The following CDK15 variants were observed in gnomAD, a reference collection of about 807,000 sequenced individuals.
CDK15 encodes the protein cyclin-dependent kinase 15.
CDK15 carries 62 observed loss-of-function variants against 60.3 expected under a neutral mutation model. The observed-to-expected ratio is 1.03, with a 90% CI of 0.84 to 1.27. The LOEUF (loss-of-function observed/expected upper bound fraction) is 1.27, where lower values mean the gene tolerates loss of function less well. Among genes scored for constraint, CDK15 ranks in the 50% most tolerant of loss-of-function variants. The pLI is 0.00. For missense variants in CDK15, 541 were observed against 527.8 expected (o/e 1.03, Z -0.25); for synonymous variants, 194 against 195.7 (o/e 0.99, Z 0.07).
At chr2:201,860,935 G>T (rs1698368410) in intron 10 of CDK15, 2 of 1,294,540 alleles carry the variant, frequency 1.5e-6, no homozygotes, top group East Asian at 5.1e-5. Flanking sequence ...GAGCTATTCT[G>T]CTTTGGGCTC....
At chr2:201,855,824 C>G (rs1482740495) in intron 10 of CDK15, among the ~76,000 whole-genome samples, 2 of 134,004 alleles carry the variant, frequency 1.5e-5, no homozygotes, top group Non-Finnish European at 3.2e-5. Flanking sequence ...GTTGTCCTTA[C>G]TTTTTTTTTT....
intron 10 of CDK15, among the ~76,000 whole-genome samples, chr2:201,859,565 C>T (rs1198650005): frequency 5.3e-5 from 8 of 152,054 alleles, no homozygotes; most frequent in East Asian, 1.9e-4. Flanking sequence ...CCATTTCATT[C>T]GAAGTAGTCA....
In CDK15 at chr2:201,887,877, T is replaced by C. The variant is rs534787944; in HGVS notation, c.1199-2908T>C. On this transcript the variant is annotated intron_variant, in intron 12 of 13. Coordinates refer to ENST00000652192, the MANE Select transcript of CDK15 (RefSeq NM_001366386.2). Reference sequence around the variant, plus strand: ...GAATTCTCTATACATACACATGAGCTAAAATTACCGCATAATCACGAGGAT... The same window carrying C: ...GAATTCTCTATACATACACATGAGCCAAAATTACCGCATAATCACGAGGAT... Among the ~76,000 whole-genome samples, 14 of 152,278 alleles carry C rather than the reference T, an allele frequency of 9.2e-5. No homozygotes were observed. In the East Asian group the frequency reaches 2.7e-3, roughly 29 times the overall value.
At chr2:201,885,260 A>G (rs938608953) in intron 12 of CDK15, among the ~76,000 whole-genome samples, 9 of 152,156 alleles carry the variant, frequency 5.9e-5, no homozygotes, top group African/African-American at 2.2e-4. Context: ...CGTAATTTCA[A>G]ACCTATTCTG....
intron 6 of CDK15, among the ~76,000 whole-genome samples, chr2:201,824,381 A>T (rs6435110): frequency 1.3e-5 from 2 of 152,122 alleles, no homozygotes; most frequent in African/African-American, 4.8e-5. Context: ...TTTATTCATT[A>T]ATTTAAGAAA....
In CDK15 at chr2:201,835,775, G is replaced by A; in HGVS notation, c.851+12G>A. On this transcript the variant is annotated intron_variant, in intron 8 of 13. Coordinates refer to ENST00000652192, the MANE Select transcript of CDK15 (RefSeq NM_001366386.2). ...GAGCTGGACATATGGTAAGAGTGGT[G>A]CCGAGAAAATGTGAGTCATCCTACT... The A allele has an allele frequency of 6.6e-7, 1 of 1,505,348 alleles. No individual in the cohort carries two copies. Among genetic ancestry groups the A allele is most frequent in the Middle Eastern group, 1.8e-4 (1 of 5,586 alleles). The allele number at this position is 1,505,348 out of a possible 1,614,324, so 93.2% of individuals were successfully genotyped here. A position where few individuals can be genotyped will look rare whatever the true frequency, so the allele number is the denominator to read the frequency against.
chr2:201,890,921 C>A lies in CDK15; in HGVS notation c.*27C>A. On this transcript the variant is annotated 3_prime_UTR_variant, in exon 13 of 14. Coordinates refer to ENST00000652192, the MANE Select transcript of CDK15 (RefSeq NM_001366386.2). ...AAGAAAGGGCGAGATCACCAAGGTTCTTCCAGGTAAGTGGTTGCAACAGTG... is the reference window on the plus strand; with the variant it reads ...AAGAAAGGGCGAGATCACCAAGGTTATTCCAGGTAAGTGGTTGCAACAGTG... 6.4e-7 allele frequency: 1 copy of A among 1,556,024 alleles called. No homozygotes were observed. The highest frequency in any genetic ancestry group is 8.9e-7 in the Non-Finnish European group (1 of 1,129,818).
intron 4 of CDK15, among the ~76,000 whole-genome samples, chr2:201,816,099 C>T (rs1363672408): frequency 6.6e-6 from 1 of 152,012 alleles, no homozygotes. Flanking sequence ...TTTATATAAA[C>T]ATTAAGGAAA....
intron 10 of CDK15, among the ~76,000 whole-genome samples, chr2:201,870,436 C>T (rs894391960): frequency 7.3e-5 from 11 of 150,934 alleles, no homozygotes; most frequent in East Asian, 2.0e-4. Flanking sequence ...TGGTTGGGAA[C>T]GTTGGCTCAT....
At position 201,835,653 on chromosome 2, in the gene CDK15, G is replaced by A. The variant is rs2105743646; in HGVS notation, c.741G>A (p.Arg247=). The change falls in exon 8 of 14, where the codon CGG becomes CGA. Residue 247 remains arginine (R), a synonymous_variant. Transcript: ENST00000652192. ...TTCCCTTTTGGACAGGTCTTGCCCG[G>A]GCCAAGTCCATTCCCAGCCAGACAT... ...ELKLADFGLA[R]AKSIPSQTYS... 1 of 1,606,754 alleles carries A rather than the reference G, an allele frequency of 6.2e-7. No homozygotes were observed. Among genetic ancestry groups the A allele is most frequent in the Non-Finnish European group, 8.5e-7 (1 of 1,175,494 alleles).
chr2:201,837,452 AAGGAAGGAAGG>A (rs1697169040), intron 8 of CDK15, among the ~76,000 whole-genome samples: 1 of 1,308 alleles, frequency 7.6e-4, no homozygotes, highest in Non-Finnish European at 1.2e-3. Context: ...GAAGGAAAGG[AAGGAAGGAAGG>A]AAGGAAGGAA....
In CDK15 at chr2:201,848,661, C is replaced by T. The variant is rs143144961; in HGVS notation, c.945+1187C>T. Among the ~76,000 whole-genome samples, 222 of 152,172 alleles carry T rather than the reference C, an allele frequency of 1.5e-3. 2 individuals carry two copies. The highest frequency in any genetic ancestry group is 4.7e-3 in the African/African-American group (196 of 41,504). On this transcript the variant is annotated intron_variant, in intron 9 of 13. Transcript: ENST00000652192. ...GTGGAATCATACAAATTTGTCTTTCCGTATCTGGCTTATGTCACTTAGCAT... is the reference window on the plus strand; with the variant it reads ...GTGGAATCATACAAATTTGTCTTTCTGTATCTGGCTTATGTCACTTAGCAT...
intron 10 of CDK15, among the ~76,000 whole-genome samples, chr2:201,860,550 T>C (rs1283884298): frequency 6.6e-6 from 1 of 152,182 alleles, no homozygotes; most frequent in Non-Finnish European, 1.5e-5. Context: ...ATTATCCTGG[T>C]TATTTTAGTC....
chr2:201,891,004 C>CTGAATCCCTGAGCA, intron 13 of CDK15, 77 bp downstream of exon 13: 1 of 730,010 alleles, frequency 1.4e-6, no homozygotes, highest in Non-Finnish European at 2.3e-6. Context: ...GGACATTGCT[C>CTGAATCCCTGAGCA]AGGGATTCAG....
intron 11 of CDK15, among the ~76,000 whole-genome samples, chr2:201,878,426 G>A (rs1451143144): frequency 6.6e-6 from 1 of 152,090 alleles, no homozygotes; most frequent in East Asian, 1.9e-4. Flanking sequence ...GTCAGTCAAG[G>A]CCTGCCTCTT....
chr2:201,891,481 G>A (rs1400044890), intron 13 of CDK15, among the ~76,000 whole-genome samples: 4 of 152,158 alleles, frequency 2.6e-5, no homozygotes, highest in African/African-American at 9.7e-5. Context: ...AGGGGTTTCC[G>A]GGATGTAGGA....
chr2:201,826,056 A>G (rs1358673125), intron 6 of CDK15, among the ~76,000 whole-genome samples: 1 of 152,234 alleles, frequency 6.6e-6, no homozygotes, highest in Non-Finnish European at 1.5e-5. Context: ...AACAAGAGAT[A>G]AGAAATACAC....
intron 3 of CDK15, chr2:201,808,550 T>C (rs1695616136): frequency 1.3e-5 from 2 of 151,968 alleles, no homozygotes; most frequent in African/African-American, 2.4e-5. Context: ...TTGTTAAATA[T>C]ATGTAAAAGA....
chr2:201,862,469 T>A (rs565060158), intron 10 of CDK15, among the ~76,000 whole-genome samples: 10 of 152,356 alleles, frequency 6.6e-5, no homozygotes, highest in Admixed American at 6.5e-4. Flanking sequence ...AAACCTGAGT[T>A]CTAGTTCCAA....
Sources: gnomAD v4.1 joint callset for allele counts (sites outside exome capture counted in the v4.1 genomes callset) on GRCh38, gnomAD v4.1.1 for gene constraint, MANE v1.5 for transcripts, NCBI Gene and HGNC (gene_info 2026-07-23, HGNC 2026-07-21) for gene names.